ABHD12: variants seen among roughly 807,000 people sequenced by gnomAD.
The protein encoded by ABHD12 is lysophosphatidylserine lipase ABHD12.
A neutral mutation model predicts 58.3 loss-of-function variants in ABHD12; 43 were observed. That is an observed-to-expected ratio of 0.74 (90% confidence interval 0.58 to 0.95). The LOEUF (loss-of-function observed/expected upper bound fraction) is 0.95. ABHD12 is among the 40% of genes least tolerant of loss of function. ABHD12 has a pLI of 0.00. For missense variants in ABHD12, 539 were observed against 537.2 expected, an observed-to-expected ratio of 1.00 and a Z score of -0.03; for synonymous variants, 219 against 211.2, an observed-to-expected ratio of 1.04 and a Z score of -0.32.
intron 1 of ABHD12, among the ~76,000 whole-genome samples, chr20:25,344,040 G>A (rs1015375708): frequency 6.6e-6 from 1 of 152,074 alleles, no homozygotes; most frequent in East Asian, 1.9e-4. Flanking sequence ...ATAAATAGAT[G>A]CACAAAAAGC....
At chr20:25,378,697 CTT>C (rs10617181) in intron 1 of ABHD12, among the ~76,000 whole-genome samples, 68,317 of 139,416 alleles carry the variant, frequency 0.49, 16,729 homozygotes, top group Admixed American at 0.56. Flanking sequence ...ATAATTTGAA[CTT>C]TTTTTTTTTT....
chr20:25,368,775 G>A (rs2089859811), intron 1 of ABHD12: 2 of 839,700 alleles, frequency 2.4e-6, no homozygotes, highest in Non-Finnish European at 2.0e-6. Flanking sequence ...ATGGCTGATA[G>A]TACAGGGCTC....
chr20:25,329,447 T>C (rs1418271634), intron 2 of ABHD12, among the ~76,000 whole-genome samples: 3 of 149,114 alleles, frequency 2.0e-5, no homozygotes, highest in Non-Finnish European at 4.4e-5. Context: ...CCCCCAGTTT[T>C]CATTGTCCAC....
rs1388745822 is a variant in ABHD12 at position 25,302,202 on chromosome 20, G to A, written c.1157+17C>T. On this transcript the variant is annotated intron_variant, in intron 12 of 12. Transcript: ENST00000339157. The stretch of plus-strand genomic sequence containing the variant: ...GCTGCCCAGACGAAGCCCCTGGGTG[G>A]GAAGAGAATGTCTCACCTCAGTATC... 2 of 1,612,664 alleles carry A rather than the reference G, an allele frequency of 1.2e-6. No homozygotes were observed. Among genetic ancestry groups the A allele is most frequent in the Non-Finnish European group, 1.7e-6 (2 of 1,179,852 alleles).
intron 1 of ABHD12, among the ~76,000 whole-genome samples, chr20:25,348,261 A>G (rs2089547523): frequency 6.6e-6 from 1 of 152,028 alleles, no homozygotes; most frequent in East Asian, 1.9e-4. Flanking sequence ...TACAAGAGCT[A>G]GTTCTTCGAG....
intron 9 of ABHD12, among the ~76,000 whole-genome samples, chr20:25,307,321 T>A (rs2088763088): frequency 6.6e-6 from 1 of 152,074 alleles, no homozygotes; most frequent in Non-Finnish European, 1.5e-5. Flanking sequence ...CACCAAAAAG[T>A]AAGATAAGAT....
At position 25,333,642 on chromosome 20, in the gene ABHD12, G is replaced by T. The variant is rs191667145; in HGVS notation, c.316+5585C>A. Among the ~76,000 whole-genome samples the T allele has an allele frequency of 3.0e-3, 461 of 151,936 alleles. 1 individual carries two copies. The highest frequency in any genetic ancestry group is 0.017 in the Middle Eastern group (5 of 294). The stretch of plus-strand genomic sequence containing the variant: ...GTGGGTTTCATCCCTGGGATGCAAG[G>T]TTGGTTCAATATACGCAAATCAATA... On this transcript the variant is annotated intron_variant, in intron 2 of 12. Coordinates refer to ENST00000339157, the MANE Select transcript of ABHD12 (RefSeq NM_001042472.3).
rs1333002557 is a variant in ABHD12 at position 25,308,497 on chromosome 20, A to G, written c.750-3T>C. On this transcript the variant is annotated splice_polypyrimidine_tract_variant and splice_region_variant and intron_variant, in intron 7 of 12. Coordinates refer to ENST00000339157, the MANE Select transcript of ABHD12 (RefSeq NM_001042472.3). ...GCCGCACCAGATTTGTCGCCACGCT[A>G]GGAAAAAAGAAAAACAGCTTAGTTG... 3.1e-6 allele frequency: 5 copies of G among 1,609,736 alleles called. No individual in the cohort carries two copies. In the South Asian group the frequency reaches 5.5e-5, roughly 18 times the overall value.
At chr20:25,302,197 G>A in intron 12 of ABHD12, 22 bp downstream of exon 12, 1 of 1,612,542 alleles carries the variant, frequency 6.2e-7, no homozygotes, top group East Asian at 2.2e-5. Context: ...CGAAGCCCCT[G>A]GGTGGGAAGA....
intron 2 of ABHD12, among the ~76,000 whole-genome samples, chr20:25,335,327 G>A (rs1265023216): frequency 6.7e-6 from 1 of 148,654 alleles, no homozygotes; most frequent in African/African-American, 2.5e-5. Context: ...GAGAGGATGT[G>A]GAGAAATAGG....
intron 1 of ABHD12, among the ~76,000 whole-genome samples, chr20:25,340,885 TG>T (rs2089445763): frequency 6.6e-6 from 1 of 152,196 alleles, no homozygotes; most frequent in Admixed American, 6.5e-5. Flanking sequence ...CTTGGAGTGA[TG>T]GAACATACTT....
intron 1 of ABHD12, among the ~76,000 whole-genome samples, chr20:25,380,756 TG>T (rs2090012805): frequency 6.6e-6 from 1 of 152,186 alleles, no homozygotes; most frequent in South Asian, 2.1e-4. Context: ...ACTTGTCTGC[TG>T]GGAGAGTCTG....
chr20:25,306,762 A>G (rs1282141945), intron 10 of ABHD12, 71 bp downstream of exon 10: 5 of 1,060,134 alleles, frequency 4.7e-6, no homozygotes, highest in East Asian at 5.1e-5. Flanking sequence ...TACTGTGACT[A>G]AAGAGGCTCA....
chr20:25,379,561 C>T lies in ABHD12; in HGVS notation c.191+10952G>A, dbSNP rs550524418. ...CTGGGTCCCATCCCTTCTCACAGGC[C>T]CAGAGACATCACTGCACCTACTCTG... On this transcript the variant is annotated intron_variant, in intron 1 of 12. Coordinates refer to ENST00000339157, the MANE Select transcript of ABHD12 (RefSeq NM_001042472.3). 6.6e-5 allele frequency among the ~76,000 whole-genome samples: 10 copies of T among 152,200 alleles called. No individual in the cohort carries two copies. In the East Asian group the frequency reaches 1.9e-3, roughly 29 times the overall value.
In ABHD12 at chr20:25,347,646, G is replaced by T. The variant is rs140719939; in HGVS notation, c.192-8295C>A. On this transcript the variant is annotated intron_variant, in intron 1 of 12. Coordinates refer to ENST00000339157, the MANE Select transcript of ABHD12 (RefSeq NM_001042472.3). ...TTTGAAACTGGCCTGGGCAAAACAG[G>T]GAGACTCTGTCTCTATAAAAAAAAA... 1.5e-3 allele frequency among the ~76,000 whole-genome samples: 206 copies of T among 139,298 alleles called. 1 individual carries two copies. Among genetic ancestry groups the T allele is most frequent in the African/African-American group, 5.4e-3 (194 of 36,074 alleles). The allele number at this position is 139,298 out of a possible 152,430, so 91.4% of individuals were successfully genotyped here.
chr20:25,374,000 T>C (rs967413184), intron 1 of ABHD12, among the ~76,000 whole-genome samples: 54 of 152,148 alleles, frequency 3.5e-4, no homozygotes, highest in African/African-American at 1.2e-3. Flanking sequence ...TCATGGCTCA[T>C]GCAGTCTTGA....
At chr20:25,350,726 A>G (rs1186821955) in intron 1 of ABHD12, among the ~76,000 whole-genome samples, 2 of 152,084 alleles carry the variant, frequency 1.3e-5, no homozygotes, top group Admixed American at 1.3e-4. Context: ...GACTCAATGG[A>G]CCCCCTTTGG....
At chr20:25,322,381 A>ATATATATATTTTTTTTTTT in intron 3 of ABHD12, among the ~76,000 whole-genome samples, 3 of 59,270 alleles carry the variant, frequency 5.1e-5, no homozygotes, top group Non-Finnish European at 9.6e-5. Context: ...ATATATATAT[A>ATATATATATTTTTTTTTTT]TTTTTTTTTT....
downstream of ABHD12, among the ~76,000 whole-genome samples, chr20:25,299,625 A>G (rs922890900): frequency 5.3e-5 from 8 of 152,192 alleles, no homozygotes; most frequent in African/African-American, 1.7e-4. Flanking sequence ...GAGTAAACCT[A>G]TGTCCTAAAG....
Sources: allele counts gnomAD v4.1 joint callset (sites outside exome capture counted in the v4.1 genomes callset), GRCh38; gene constraint gnomAD v4.1.1; transcripts MANE v1.5; gene names NCBI Gene and HGNC (gene_info 2026-07-23, HGNC 2026-07-21).